The following SLC44A5 variants were observed in gnomAD, a reference collection of about 807,000 sequenced individuals.
The protein encoded by SLC44A5 is solute carrier family 44 member 5.
A neutral mutation model predicts 101.8 loss-of-function variants in SLC44A5; 57 were observed. The ratio of observed to expected loss-of-function variants is 0.56; its 90% confidence interval spans 0.45 to 0.70. The LOEUF (loss-of-function observed/expected upper bound fraction) is 0.70, where lower values mean the gene tolerates loss of function less well. SLC44A5 is among the 30% of genes least tolerant of loss of function. The probability of loss-of-function intolerance (pLI) is 0.00; values close to 1 mark genes in which losing one functional copy is unlikely to be tolerated. For missense variants in SLC44A5, 737 were observed against 853.1 expected (o/e 0.86, Z 1.70); for synonymous variants, 281 against 290.9 (o/e 0.97, Z 0.35).
At chr1:75,234,990 C>G (rs1395631581) in intron 11 of SLC44A5, among the ~76,000 whole-genome samples, 1 of 152,000 alleles carries the variant, frequency 6.6e-6, no homozygotes, top group Non-Finnish European at 1.5e-5. Flanking sequence ...TAGCAACAGA[C>G]AGAGTGTAGT....
the SLC44A5 span, among the ~76,000 whole-genome samples, chr1:75,626,581 T>C: frequency 6.6e-6 from 1 of 152,128 alleles, no homozygotes; most frequent in Non-Finnish European, 1.5e-5. Context: ...TTTTGATGAA[T>C]TCTATTTGCT....
chr1:75,507,075 G>T (rs1442300144), intron 2 of SLC44A5, among the ~76,000 whole-genome samples: 1 of 151,584 alleles, frequency 6.6e-6, no homozygotes, highest in Non-Finnish European at 1.5e-5. Context: ...GCTAATTTTT[G>T]CATTTTTTGT....
chr1:75,658,097 CGTT>C, the SLC44A5 span, among the ~76,000 whole-genome samples: 2 of 152,072 alleles, frequency 1.3e-5, no homozygotes, highest in East Asian at 3.9e-4. Flanking sequence ...TTGTTGTTGT[CGTT>C]GTTGTTTTGA....
At chr1:75,294,713 TCCTGCC>T in intron 5 of SLC44A5, among the ~76,000 whole-genome samples, 1 of 151,980 alleles carries the variant, frequency 6.6e-6, no homozygotes, top group South Asian at 2.1e-4. Context: ...AAGAAGAAAA[TCCTGCC>T]AAGTTGTGAC....
At chr1:75,600,294 A>G (rs1346165607) in intron 1 of SLC44A5, among the ~76,000 whole-genome samples, 3 of 152,206 alleles carry the variant, frequency 2.0e-5, no homozygotes, top group Non-Finnish European at 4.4e-5. Context: ...AAAATTATAT[A>G]TGAACCAAGA....
intron 17 of SLC44A5, 98 bp downstream of exon 17, chr1:75,218,392 A>C: frequency 2.0e-6 from 3 of 1,467,618 alleles, no homozygotes; most frequent in Non-Finnish European, 2.8e-6. Context: ...CTTTGATTTC[A>C]TTTGTACCTT....
chr1:75,698,059 G>A, the SLC44A5 span, among the ~76,000 whole-genome samples: 1 of 152,210 alleles, frequency 6.6e-6, no homozygotes, highest in South Asian at 2.1e-4. Context: ...ACTGCAAGGT[G>A]GCAGTGAGGC....
chr1:75,601,089 T>C (rs1280317918), intron 1 of SLC44A5, among the ~76,000 whole-genome samples: 1 of 152,192 alleles, frequency 6.6e-6, no homozygotes, highest in African/African-American at 2.4e-5. Context: ...GAAAACACAA[T>C]GAGTTCCATG....
In SLC44A5 at chr1:75,494,218, T is replaced by C. The variant is rs534059296; in HGVS notation, c.13+47217A>G. ...AGATGCTAGTGCCTTTATCTTGAAC[T>C]TCCCAGCCTCCAGAACTGTGAGAAA... On this transcript the variant is annotated intron_variant, in intron 2 of 23. Transcript: ENST00000370859. 3.9e-4 allele frequency among the ~76,000 whole-genome samples: 60 copies of C among 152,312 alleles called. 1 individual carries two copies. The highest frequency in any genetic ancestry group is 1.4e-3 in the African/African-American group (60 of 41,564).
intron 1 of SLC44A5, among the ~76,000 whole-genome samples, chr1:75,543,374 T>A (rs1027278020): frequency 2.6e-5 from 4 of 151,942 alleles, no homozygotes; most frequent in African/African-American, 9.7e-5. Context: ...CTTGTGTGCC[T>A]CATTGTCATT....
chr1:75,467,234 T>C (rs1431502225), intron 2 of SLC44A5, among the ~76,000 whole-genome samples: 1 of 151,832 alleles, frequency 6.6e-6, no homozygotes, highest in Non-Finnish European at 1.5e-5. Context: ...AGAATCAATG[T>C]TGTTAAAATG....
At chr1:75,264,418 T>C (rs1650818614) in intron 6 of SLC44A5, among the ~76,000 whole-genome samples, 1 of 152,326 alleles carries the variant, frequency 6.6e-6, no homozygotes, top group Non-Finnish European at 1.5e-5. Context: ...ACTTGTGTGA[T>C]TATAAAAAAT....
the SLC44A5 span, among the ~76,000 whole-genome samples, chr1:75,680,747 G>C: frequency 6.6e-6 from 1 of 151,800 alleles, no homozygotes. Context: ...CAGAAGGCAA[G>C]ACCTAACTAA....
chr1:75,242,768 G>C (rs1327249620), intron 8 of SLC44A5, 118 bp downstream of exon 8: 1 of 1,179,422 alleles, frequency 8.5e-7, no homozygotes, highest in Non-Finnish European at 1.2e-6. Context: ...CAATGAAATT[G>C]TATCTAATCA....
the SLC44A5 span, among the ~76,000 whole-genome samples, chr1:75,624,410 T>C: frequency 2.0e-5 from 3 of 152,166 alleles, no homozygotes; most frequent in Admixed American, 2.0e-4. Flanking sequence ...ATGATATGCA[T>C]ATGGTCTCAA....
chr1:75,442,215 C>A lies in SLC44A5; in HGVS notation c.14-45594G>T, dbSNP rs565930216. Among the ~76,000 whole-genome samples the A allele has an allele frequency of 1.7e-3, 266 of 152,112 alleles. 1 individual carries two copies. Among genetic ancestry groups the A allele is most frequent in the Middle Eastern group, 3.4e-3 (1 of 294 alleles). The stretch of plus-strand genomic sequence containing the variant: ...ATTTTCTGAAGGAATATTTTCACAA[C>A]ATAATACTTAGAAATTTTCACAAAT... On this transcript the variant is annotated intron_variant, in intron 2 of 23. Coordinates refer to ENST00000370859, the MANE Select transcript of SLC44A5 (RefSeq NM_001130058.2).
intron 2 of SLC44A5, among the ~76,000 whole-genome samples, chr1:75,417,939 T>C (rs1309925070): frequency 1.3e-5 from 2 of 152,132 alleles, no homozygotes; most frequent in African/African-American, 4.8e-5. Flanking sequence ...AATAGGAAAA[T>C]GAAACATCTT....
chr1:75,388,271 A>T (rs1418472263), intron 3 of SLC44A5, among the ~76,000 whole-genome samples: 1 of 151,780 alleles, frequency 6.6e-6, no homozygotes, highest in Non-Finnish European at 1.5e-5. Flanking sequence ...AAAAAAGAAA[A>T]TTCATTACCA....
rs190037389 is a variant in SLC44A5, at chr1:75,367,254, C to T, written c.53-27624G>A. Among the ~76,000 whole-genome samples the T allele has an allele frequency of 7.1e-3, 1,082 of 152,286 alleles. 4 individuals carry two copies. The highest frequency in any genetic ancestry group is 0.011 in the Non-Finnish European group (761 of 68,030). On this transcript the variant is annotated intron_variant, in intron 3 of 23. Transcript: ENST00000370859. ...GAATTTCAGTTCAGTGAGGTTGAAG[C>T]TGGGTCACATAGTTCTTGCTGGGTC... is the stretch of plus-strand genomic sequence containing the variant.
Sources: allele counts gnomAD v4.1 joint callset (sites outside exome capture counted in the v4.1 genomes callset), GRCh38; gene constraint gnomAD v4.1.1; transcripts MANE v1.5; gene names NCBI Gene and HGNC (gene_info 2026-07-23, HGNC 2026-07-21).